The following PIK3AP1 variants were observed in gnomAD, a reference collection of about 807,000 sequenced individuals.
PIK3AP1 encodes the protein phosphoinositide-3-kinase adaptor protein 1, also known as phosphoinositide 3-kinase adapter protein 1.
A neutral mutation model predicts 88.1 loss-of-function variants in PIK3AP1; 21 were observed. That is an observed-to-expected ratio of 0.24 (90% CI 0.17 to 0.34). The LOEUF (loss-of-function observed/expected upper bound fraction) is 0.34, where lower values mean the gene tolerates loss of function less well. PIK3AP1 is among the 10% of genes least tolerant of loss of function. The pLI, the probability that PIK3AP1 is intolerant of heterozygous loss-of-function variation, is 1.00. For synonymous variants in PIK3AP1, 398 were observed against 400.0 expected (o/e 1.00, Z 0.06); for missense variants, 828 against 1,035.7 (o/e 0.80, Z 2.75).
At chr10:96,630,712 G>A (rs1377325654) in intron 8 of PIK3AP1, among the ~76,000 whole-genome samples, 1 of 151,972 alleles carries the variant, frequency 6.6e-6, no homozygotes, top group East Asian at 1.9e-4. Flanking sequence ...GCATGGTGGT[G>A]CAGGCCTATA....
intron 2 of PIK3AP1, among the ~76,000 whole-genome samples, chr10:96,689,575 CAAAAAAAAAAAA>C (rs56828361): frequency 1.4e-5 from 1 of 70,448 alleles, no homozygotes; most frequent in Non-Finnish European, 2.8e-5. Flanking sequence ...GACTCTGTCT[CAAAAAAAAAAAA>C]AAAAAAAAAA....
chr10:96,624,886 A>G (rs974701166), intron 10 of PIK3AP1, among the ~76,000 whole-genome samples: 2 of 152,104 alleles, frequency 1.3e-5, no homozygotes, highest in Non-Finnish European at 2.9e-5. Flanking sequence ...CCTCCCTACA[A>G]TGAGCCATGC....
chr10:96,690,164 G>A (rs982591254), intron 2 of PIK3AP1, among the ~76,000 whole-genome samples: 2 of 152,218 alleles, frequency 1.3e-5, no homozygotes, highest in Non-Finnish European at 2.9e-5. Context: ...AAAGTATAGA[G>A]GATGAAACTC....
At chr10:96,624,390 G>A (rs7905024) in intron 10 of PIK3AP1, among the ~76,000 whole-genome samples, 133,124 of 152,228 alleles carry the variant, frequency 0.87, 59,061 homozygotes, top group East Asian at 1. Flanking sequence ...CTTACAGTTT[G>A]TAAAGTACTT....
intron 2 of PIK3AP1, among the ~76,000 whole-genome samples, chr10:96,672,087 T>C (rs779511240): frequency 1.3e-5 from 2 of 152,106 alleles, no homozygotes; most frequent in Non-Finnish European, 2.9e-5. Flanking sequence ...ACTGTCTCCC[T>C]GGAAACAAAG....
intron 3 of PIK3AP1, among the ~76,000 whole-genome samples, chr10:96,653,174 A>G (rs1355856082): frequency 6.6e-6 from 1 of 152,022 alleles, no homozygotes; most frequent in Non-Finnish European, 1.5e-5. Context: ...TGGGAGGCCG[A>G]GGTGGGTGGA....
chr10:96,615,816 A>G lies in PIK3AP1; in HGVS notation c.2014+823T>C, dbSNP rs147853707. On this transcript the variant is annotated intron_variant, in intron 13 of 16. Coordinates refer to ENST00000339364, the MANE Select transcript of PIK3AP1 (RefSeq NM_152309.3). ...TGGACACCAGGGTGTTACCAGCCCA[A>G]CTAGGTTCATGGGAAGTCAGGCAGC... 2.0e-5 allele frequency among the ~76,000 whole-genome samples: 3 copies of G among 152,210 alleles called. No individual in the cohort carries two copies. The East Asian group carries it at 5.8e-4, about 29-fold the overall frequency.
At chr10:96,683,121 G>A (rs538555206) in intron 2 of PIK3AP1, among the ~76,000 whole-genome samples, 1 of 152,166 alleles carries the variant, frequency 6.6e-6, no homozygotes, top group African/African-American at 2.4e-5. Flanking sequence ...TGCAAGCCAG[G>A]GCATACAATT....
At chr10:96,629,930 A>AAAAAAAAAAAAAAG (rs776780994) in intron 8 of PIK3AP1, among the ~76,000 whole-genome samples, 1 of 13,726 alleles carries the variant, frequency 7.3e-5, no homozygotes, top group Non-Finnish European at 1.6e-4. Flanking sequence ...AAAAAAAAAA[A>AAAAAAAAAAAAAAG]AAGAAGAAGA....
intron 2 of PIK3AP1, among the ~76,000 whole-genome samples, chr10:96,684,807 A>G (rs565067057): frequency 6.6e-6 from 1 of 152,356 alleles, no homozygotes; most frequent in Middle Eastern, 3.4e-3. Flanking sequence ...GAAAACCTAA[A>G]TAAGATCACA....
intron 8 of PIK3AP1, among the ~76,000 whole-genome samples, chr10:96,640,913 T>C (rs1378575003): frequency 6.6e-6 from 1 of 152,156 alleles, no homozygotes; most frequent in Non-Finnish European, 1.5e-5. Context: ...TCCTCCCGCC[T>C]CAGCCTCCCT....
chr10:96,666,094 A>C (rs1843756576), intron 2 of PIK3AP1, among the ~76,000 whole-genome samples: 1 of 152,228 alleles, frequency 6.6e-6, no homozygotes, highest in African/African-American at 2.4e-5. Context: ...AAAGAATTAA[A>C]TATGTATGAC....
intron 8 of PIK3AP1, chr10:96,633,042 G>T (rs755219721): frequency 6.2e-7 from 1 of 1,607,100 alleles, no homozygotes; most frequent in South Asian, 1.1e-5. Context: ...AGCAGGCCAC[G>T]CTGGTGAAAA....
intron 2 of PIK3AP1, among the ~76,000 whole-genome samples, chr10:96,677,793 G>A (rs1843945678): frequency 6.6e-6 from 1 of 152,106 alleles, no homozygotes; most frequent in African/African-American, 2.4e-5. Context: ...GAAACCACTG[G>A]AAACCTAATC....
chr10:96,629,942 G>A (rs867026875), intron 8 of PIK3AP1, among the ~76,000 whole-genome samples: 1,167 of 61,740 alleles, frequency 0.019, 11 homozygotes, highest in African/African-American at 0.034. Context: ...AGAAGAAGAA[G>A]AAGAAGAAGA....
At chr10:96,671,631 G>C (rs1407618019) in intron 2 of PIK3AP1, among the ~76,000 whole-genome samples, 1 of 152,146 alleles carries the variant, frequency 6.6e-6, no homozygotes, top group Non-Finnish European at 1.5e-5. Context: ...GTTAGTGTGA[G>C]TTAATTAAAG....
intron 2 of PIK3AP1, among the ~76,000 whole-genome samples, chr10:96,699,272 A>G (rs1844262532): frequency 6.6e-6 from 1 of 152,262 alleles, no homozygotes; most frequent in East Asian, 1.9e-4. Flanking sequence ...TCACTGTCCA[A>G]TATGGCAGTC....
At chr10:96,670,641 A>T (rs1256129893) in intron 2 of PIK3AP1, among the ~76,000 whole-genome samples, 5 of 152,154 alleles carry the variant, frequency 3.3e-5, no homozygotes. Flanking sequence ...GTCTGAGAGG[A>T]CCCTGATTCC....
intron 1 of PIK3AP1, among the ~76,000 whole-genome samples, chr10:96,711,738 A>ATTTTTTT (rs1564992486): frequency 5.3e-5 from 5 of 93,978 alleles, no homozygotes; most frequent in Non-Finnish European, 1.1e-4. Flanking sequence ...GAGATTACCA[A>ATTTTTTT]ATTTTTTTTT....
Sources: gnomAD v4.1 joint callset for allele counts (sites outside exome capture counted in the v4.1 genomes callset) on GRCh38, gnomAD v4.1.1 for gene constraint, MANE v1.5 for transcripts, NCBI Gene and HGNC (gene_info 2026-07-23, HGNC 2026-07-21) for gene names.